CCBE1: variants seen among roughly 807,000 people sequenced by gnomAD.
The protein encoded by CCBE1 is collagen and calcium-binding EGF domain-containing protein 1.
Under a neutral mutation model 50.0 loss-of-function variants are expected in CCBE1, and 37 were observed. The ratio of observed to expected loss-of-function variants is 0.74; its 90% CI spans 0.57 to 0.97. The LOEUF is 0.97. CCBE1 is among the 50% of genes least tolerant of loss of function. The pLI, the probability that CCBE1 is intolerant of heterozygous loss-of-function variation, is 0.00. For missense variants in CCBE1, 538 were observed against 523.8 expected (o/e 1.03, Z -0.26); for synonymous variants, 234 against 203.7 (o/e 1.15, Z -1.27).
At chr18:59,448,216 T>C in intron 6 of CCBE1, 113 bp from the exon 7 acceptor site, 1 of 1,457,564 alleles carries the variant, frequency 6.9e-7, no homozygotes. Context: ...GTATATACTT[T>C]TTACTAGAGC....
intron 2 of CCBE1, among the ~76,000 whole-genome samples, chr18:59,588,623 A>G (rs79585521): frequency 0.08 from 12,211 of 152,184 alleles, 1,406 homozygotes; most frequent in African/African-American, 0.26. Flanking sequence ...TTCTCTTCTT[A>G]ATTCTAGAGG....
intron 2 of CCBE1, among the ~76,000 whole-genome samples, chr18:59,660,429 C>T (rs565792559): frequency 3.9e-5 from 6 of 152,244 alleles, no homozygotes; most frequent in South Asian, 2.1e-4. Context: ...ACTTCATTCT[C>T]GGTGTACGGT....
At chr18:59,610,332 T>C (rs2053551722) in intron 2 of CCBE1, among the ~76,000 whole-genome samples, 1 of 152,204 alleles carries the variant, frequency 6.6e-6, no homozygotes, top group Non-Finnish European at 1.5e-5. Context: ...AAGATATTGT[T>C]CCAAAATTAA....
intron 7 of CCBE1, among the ~76,000 whole-genome samples, chr18:59,443,832 A>G (rs1041050656): frequency 5.3e-5 from 8 of 152,138 alleles, no homozygotes; most frequent in African/African-American, 1.9e-4. Flanking sequence ...TTGTTGTGCA[A>G]CAGATCTCTA....
intron 2 of CCBE1, among the ~76,000 whole-genome samples, chr18:59,613,273 A>C (rs2053596396): frequency 1.3e-5 from 2 of 152,200 alleles, no homozygotes; most frequent in Admixed American, 1.3e-4. Flanking sequence ...AAGCCGTGTC[A>C]AGGTACAAAC....
chr18:59,658,079 A>G, intron 2 of CCBE1, among the ~76,000 whole-genome samples: 1 of 151,706 alleles, frequency 6.6e-6, no homozygotes, highest in East Asian at 2.0e-4. Flanking sequence ...GGCAGGGTGT[A>G]TTCACCTCTT....
intron 2 of CCBE1, among the ~76,000 whole-genome samples, chr18:59,537,691 G>T (rs1915306084): frequency 6.6e-6 from 1 of 152,176 alleles, no homozygotes; most frequent in African/African-American, 2.4e-5. Context: ...TCTTACTTCA[G>T]CAAGTATATA....
chr18:59,519,367 A>G lies in CCBE1; in HGVS notation c.213-39129T>C, dbSNP rs576106751. Among the ~76,000 whole-genome samples, 13 of 152,224 alleles carry G rather than the reference A, an allele frequency of 8.5e-5. No homozygotes were observed. The East Asian group carries it at 2.3e-3, about 27-fold the overall frequency. On this transcript the variant is annotated intron_variant, in intron 2 of 10. Coordinates refer to ENST00000439986, the MANE Select transcript of CCBE1 (RefSeq NM_133459.4). Reference sequence around the variant, plus strand: ...AGGGGGGAGAAAATGTTTAGGTACTATGAGGTTGCACACTAATATCACACT... The same window carrying G: ...AGGGGGGAGAAAATGTTTAGGTACTGTGAGGTTGCACACTAATATCACACT...
At chr18:59,628,803 T>C (rs1039924559) in intron 2 of CCBE1, among the ~76,000 whole-genome samples, 1 of 152,160 alleles carries the variant, frequency 6.6e-6, no homozygotes, top group Admixed American at 6.5e-5. Context: ...CAAATCTGCT[T>C]TCTAGGCCAC....
At chr18:59,632,891 G>A (rs2053867974) in intron 2 of CCBE1, among the ~76,000 whole-genome samples, 1 of 152,134 alleles carries the variant, frequency 6.6e-6, no homozygotes, top group South Asian at 2.1e-4. Flanking sequence ...TTACAGGTGT[G>A]AGCCACCGCG....
chr18:59,646,390 A>C (rs185216001), intron 2 of CCBE1, among the ~76,000 whole-genome samples: 2 of 152,194 alleles, frequency 1.3e-5, no homozygotes, highest in South Asian at 4.1e-4. Context: ...GACAATCCCA[A>C]CCCAGAAGTG....
intron 2 of CCBE1, among the ~76,000 whole-genome samples, chr18:59,568,800 T>A (rs962442521): frequency 5.3e-5 from 8 of 152,278 alleles, no homozygotes; most frequent in South Asian, 4.2e-4. Context: ...CCTCTGCCCA[T>A]CTGTGAGAGT....
intron 2 of CCBE1, among the ~76,000 whole-genome samples, chr18:59,575,651 C>T (rs533655924): frequency 1.1e-3 from 168 of 152,296 alleles, no homozygotes; most frequent in Middle Eastern, 3.4e-3. Context: ...TGCTTAAGTT[C>T]GCTGCAAAGT....
chr18:59,538,637 C>G (rs547597803), intron 2 of CCBE1, among the ~76,000 whole-genome samples: 1 of 152,114 alleles, frequency 6.6e-6, no homozygotes, highest in Non-Finnish European at 1.5e-5. Context: ...TGAGGAGGGA[C>G]AAGAGTAAAC....
chr18:59,476,955 T>C (rs967830821), intron 3 of CCBE1, among the ~76,000 whole-genome samples: 17 of 152,370 alleles, frequency 1.1e-4, no homozygotes, highest in African/African-American at 4.1e-4. Flanking sequence ...ACTGATCCAC[T>C]AGCAAAATTT....
intron 2 of CCBE1, among the ~76,000 whole-genome samples, chr18:59,496,402 A>T (rs1913357402): frequency 6.6e-6 from 1 of 152,232 alleles, no homozygotes; most frequent in African/African-American, 2.4e-5. Flanking sequence ...TATTATTTAT[A>T]AAAATAAGTG....
Position 59,697,274 on chromosome 18 carries a change from C to T in CCBE1, c.69G>A (p.Leu23=). Residue 23 remains leucine (L), a synonymous_variant, in exon 1 of 11, where the codon CTG becomes CTA. Coordinates refer to ENST00000439986, the MANE Select transcript of CCBE1 (RefSeq NM_133459.4). The part of the protein sequence containing the change: ...RGQLGRSLGP[L]LLLLALGHTW... ...TGTGTCCCAACGCCAGGAGCAGCAG[C>T]AGCGGACCCAGGCTCCTGCCCAGCT... The T allele has an allele frequency of 1.3e-6, 2 of 1,549,198 alleles. No individual in the cohort carries two copies. The highest frequency in any genetic ancestry group is 1.7e-6 in the Non-Finnish European group (2 of 1,146,750).
chr18:59,437,538 A>T (rs1004191922), intron 10 of CCBE1, among the ~76,000 whole-genome samples: 1 of 152,208 alleles, frequency 6.6e-6, no homozygotes, highest in Non-Finnish European at 1.5e-5. Flanking sequence ...CAGCCGCTGG[A>T]TTTCAGAAAT....
intron 7 of CCBE1, among the ~76,000 whole-genome samples, chr18:59,443,187 A>G (rs1910516273): frequency 1.3e-5 from 2 of 152,178 alleles, no homozygotes; most frequent in Non-Finnish European, 2.9e-5. Flanking sequence ...GACCCACAAC[A>G]CAGAGAGTTG....
Sources: gnomAD v4.1 joint callset for allele counts (sites outside exome capture counted in the v4.1 genomes callset) on GRCh38, gnomAD v4.1.1 for gene constraint, MANE v1.5 for transcripts, NCBI Gene and HGNC (gene_info 2026-07-23, HGNC 2026-07-21) for gene names.